DNAAF11: variants seen among roughly 807,000 people sequenced by gnomAD.
DNAAF11 encodes the protein leucine rich repeat containing 6.
A neutral mutation model predicts 60.8 loss-of-function variants in DNAAF11; 45 were observed. The ratio of observed to expected loss-of-function variants is 0.74; its 90% CI spans 0.58 to 0.95. DNAAF11 has a LOEUF of 0.95. Ranked by LOEUF, DNAAF11 falls within the 40% of genes least tolerant of loss-of-function variation. DNAAF11 has a pLI of 0.00. For missense variants in DNAAF11, 546 were observed against 546.2 expected (o/e 1.00, Z 0.00); for synonymous variants, 191 against 183.5 (o/e 1.04, Z -0.33).
At chr8:132,652,789 C>T (rs946158399) in intron 3 of DNAAF11, among the ~76,000 whole-genome samples, 4 of 151,778 alleles carry the variant, frequency 2.6e-5, no homozygotes, top group Non-Finnish European at 5.9e-5. Context: ...CAGGGCCTGT[C>T]GGGGGTTGGG....
intron 3 of DNAAF11, among the ~76,000 whole-genome samples, chr8:132,654,830 G>A (rs1402441660): frequency 6.6e-6 from 1 of 151,438 alleles, no homozygotes; most frequent in Non-Finnish European, 1.5e-5. Flanking sequence ...AAAAAACAAC[G>A]ACTCATATCA....
chr8:132,660,747 A>G (rs1310799270), intron 2 of DNAAF11, among the ~76,000 whole-genome samples: 1 of 152,208 alleles, frequency 6.6e-6, no homozygotes, highest in Non-Finnish European at 1.5e-5. Flanking sequence ...CTGCCAGCAG[A>G]GAGCACATGG....
chr8:132,595,940 T>A (rs1816973789), intron 10 of DNAAF11, among the ~76,000 whole-genome samples: 1 of 151,986 alleles, frequency 6.6e-6, no homozygotes, highest in African/African-American at 2.4e-5. Flanking sequence ...GAAACTGAAT[T>A]CAGGATGTAT....
intron 10 of DNAAF11, among the ~76,000 whole-genome samples, chr8:132,586,287 T>C (rs1463131093): frequency 1.3e-5 from 2 of 152,212 alleles, no homozygotes; most frequent in African/African-American, 2.4e-5. Flanking sequence ...AGTATCTCAA[T>C]AGGTCTGGTG....
intron 5 of DNAAF11, among the ~76,000 whole-genome samples, chr8:132,628,249 T>C (rs1033042692): frequency 5.9e-5 from 9 of 152,136 alleles, no homozygotes; most frequent in African/African-American, 2.2e-4. Context: ...CCATCTCCAC[T>C]AAAGATACAA....
At chr8:132,681,740 C>G in the DNAAF11 span, among the ~76,000 whole-genome samples, 2 of 152,144 alleles carry the variant, frequency 1.3e-5, no homozygotes, top group South Asian at 2.1e-4. Context: ...AAATGATTGT[C>G]TTAATTTATT....
chr8:132,615,247 C>T (rs182830760), intron 7 of DNAAF11, 150 bp from the exon 8 acceptor site: 42 of 487,974 alleles, frequency 8.6e-5, no homozygotes, highest in Middle Eastern at 9.7e-4. Flanking sequence ...CAAATATCAA[C>T]GGTAATTTTA....
chr8:132,642,224 C>T (rs1006127681), intron 3 of DNAAF11, among the ~76,000 whole-genome samples: 4 of 152,194 alleles, frequency 2.6e-5, no homozygotes, highest in African/African-American at 9.7e-5. Context: ...TATTTATTTG[C>T]TGTTTACTAT....
At chr8:132,687,026 C>CCCATAGAAGA in the DNAAF11 span, among the ~76,000 whole-genome samples, 3 of 152,142 alleles carry the variant, frequency 2.0e-5, no homozygotes, top group Non-Finnish European at 4.4e-5. Flanking sequence ...TTCCCCAGCA[C>CCCATAGAAGA]CATGCACAGT....
intron 11 of DNAAF11, among the ~76,000 whole-genome samples, chr8:132,580,796 C>T (rs969655521): frequency 1.3e-5 from 2 of 152,130 alleles, no homozygotes; most frequent in Admixed American, 6.5e-5. Context: ...AAGAAAATCC[C>T]AATACATACC....
intron 10 of DNAAF11, among the ~76,000 whole-genome samples, chr8:132,594,296 T>C (rs1365938537): frequency 6.6e-6 from 1 of 152,128 alleles, no homozygotes; most frequent in African/African-American, 2.4e-5. Context: ...AGACAAATCA[T>C]ACAAAATTTA....
chr8:132,663,438 G>C (rs868428769), intron 1 of DNAAF11, among the ~76,000 whole-genome samples: 4 of 152,184 alleles, frequency 2.6e-5, no homozygotes, highest in Admixed American at 1.3e-4. Flanking sequence ...GTATGATCTA[G>C]ATCTGTAATT....
intron 3 of DNAAF11, among the ~76,000 whole-genome samples, chr8:132,643,014 ACGAG>A (rs1822010143): frequency 1.3e-5 from 2 of 152,210 alleles, no homozygotes; most frequent in South Asian, 2.1e-4. Flanking sequence ...TAGTTCTCAT[ACGAG>A]CACGCAACCT....
At chr8:132,641,728 T>C (rs571744689) in intron 3 of DNAAF11, among the ~76,000 whole-genome samples, 2 of 152,334 alleles carry the variant, frequency 1.3e-5, no homozygotes, top group Middle Eastern at 3.4e-3. Flanking sequence ...AGGTGACTAT[T>C]ATAGTTGGAC....
chr8:132,616,775 A>G (rs998352677), intron 7 of DNAAF11, among the ~76,000 whole-genome samples: 1 of 152,236 alleles, frequency 6.6e-6, no homozygotes. Context: ...AAGTTTTCTC[A>G]GCAAGGCAAT....
chr8:132,590,072 G>A (rs1434251796), intron 10 of DNAAF11, among the ~76,000 whole-genome samples: 1 of 152,292 alleles, frequency 6.6e-6, no homozygotes, highest in Admixed American at 6.5e-5. Flanking sequence ...CATATCCATT[G>A]CCTGCCCTGT....
At chr8:132,699,266 A>T in the DNAAF11 span, among the ~76,000 whole-genome samples, 5 of 152,066 alleles carry the variant, frequency 3.3e-5, no homozygotes, top group African/African-American at 1.2e-4. Context: ...GCATGATGAG[A>T]GGAAGTTGGC....
rs779986099 is a variant in DNAAF11, at chr8:132,675,533, G to C, written c.-40C>G. 91 of 1,553,094 alleles carry C rather than the reference G, an allele frequency of 5.9e-5. No individual in the cohort carries two copies. The highest frequency in any genetic ancestry group is 9.2e-5 in the Admixed American group (5 of 54,436). ...TCGCTGACCCCGCAAGCCGGACCCG[G>C]ACCTCGAATGACGCTTTTCACCCTT... On this transcript the variant is annotated 5_prime_UTR_variant, in exon 1 of 12. Transcript: ENST00000620350.
rs556880247 is a variant in DNAAF11 at position 132,610,440 on chromosome 8, T to C, written c.1045-179A>G. ...TATGCACAAACTATTTTACCTATTT[T>C]AACAAGTAGTCTAAAGAACAGTTAT... On this transcript the variant is annotated intron_variant, in intron 9 of 11. Transcript: ENST00000620350. Among the ~76,000 whole-genome samples the C allele has an allele frequency of 2.0e-5, 3 of 152,310 alleles. No homozygotes were observed. In the South Asian group the frequency reaches 6.2e-4, roughly 32 times the overall value.
Sources: allele counts gnomAD v4.1 joint callset (sites outside exome capture counted in the v4.1 genomes callset), GRCh38; gene constraint gnomAD v4.1.1; transcripts MANE v1.5; gene names NCBI Gene and HGNC (gene_info 2026-07-23, HGNC 2026-07-21).